The following PUM1 variants were observed in gnomAD, a reference collection of about 807,000 sequenced individuals.
The protein encoded by PUM1 is pumilio homolog 1.
Under a neutral mutation model 131.8 loss-of-function variants are expected in PUM1, and 13 were observed. That is an observed-to-expected ratio of 0.10 (90% CI 0.06 to 0.16). The LOEUF (loss-of-function observed/expected upper bound fraction) is 0.16, where lower values mean the gene tolerates loss of function less well. Ranked by LOEUF, PUM1 falls within the 10% of genes least tolerant of loss-of-function variation. The pLI, the probability that PUM1 is intolerant of heterozygous loss-of-function variation, is 1.00. For missense variants in PUM1, 961 were observed against 1,512.4 expected, an observed-to-expected ratio of 0.64 and a Z score of 6.05; for synonymous variants, 509 against 556.5, an observed-to-expected ratio of 0.91 and a Z score of 1.20.
At chr1:30,965,854 G>A (rs931899375) in intron 13 of PUM1, 128 bp downstream of exon 13, 12 of 951,484 alleles carry the variant, frequency 1.3e-5, no homozygotes, top group African/African-American at 6.6e-5. Flanking sequence ...CACAGATTAT[G>A]TGGGATGGCT....
In PUM1 at chr1:30,980,069, C is replaced by G; in HGVS notation, c.1347G>C (p.Ala449=). 1.2e-6 allele frequency: 2 copies of G among 1,601,026 alleles called. No homozygotes were observed. The highest frequency in any genetic ancestry group is 1.7e-6 in the Non-Finnish European group (2 of 1,172,762). Residue 449 remains alanine, a synonymous_variant, in exon 9 of 22, where the codon GCG becomes GCC. Coordinates refer to ENST00000426105, the MANE Select transcript of PUM1 (RefSeq NM_001020658.2). Reference sequence around the variant, plus strand: ...TGCAGCAGAATGTCTCACCTAGTGTCGCTGCTGCAGCCAATCCAGCTGTGT... The same window carrying G: ...TGCAGCAGAATGTCTCACCTAGTGTGGCTGCTGCAGCCAATCCAGCTGTGT... ...DPYTAGLAAA[A]TLGPAVVPHQ...
At chr1:30,992,722 C>G in intron 6 of PUM1, 62 bp from the exon 7 acceptor site, 1 of 1,450,800 alleles carries the variant, frequency 6.9e-7, no homozygotes, top group African/African-American at 1.4e-5. Flanking sequence ...TACAGCAACC[C>G]AAGTTTAAGG....
chr1:30,979,350 C>A (rs918318068), intron 9 of PUM1, among the ~76,000 whole-genome samples: 1 of 152,060 alleles, frequency 6.6e-6, no homozygotes, highest in African/African-American at 2.4e-5. Context: ...ATGGTGTTAG[C>A]CAATGGCAGT....
chr1:30,939,736 C>T (rs1639365366), intron 20 of PUM1, among the ~76,000 whole-genome samples: 1 of 152,146 alleles, frequency 6.6e-6, no homozygotes, highest in Non-Finnish European at 1.5e-5. Context: ...TGTGCACCTA[C>T]AGTCCCAGCT....
At chr1:31,028,006 T>G (rs1339505136) in intron 3 of PUM1, among the ~76,000 whole-genome samples, 3 of 152,180 alleles carry the variant, frequency 2.0e-5, no homozygotes, top group African/African-American at 7.2e-5. Flanking sequence ...ATGTCACTTG[T>G]GGGCCTGTGG....
intron 6 of PUM1, among the ~76,000 whole-genome samples, chr1:30,993,560 T>C (rs898272079): frequency 6.6e-6 from 1 of 152,072 alleles, no homozygotes; most frequent in African/African-American, 2.4e-5. Flanking sequence ...CAAAAAATCC[T>C]GTAGTCCAGT....
chr1:30,952,207 CA>C (rs780210282), intron 16 of PUM1, 26 bp downstream of exon 16: 1 of 1,608,660 alleles, frequency 6.2e-7, no homozygotes, highest in Admixed American at 1.7e-5. Flanking sequence ...TCTCTTAAGT[CA>C]AAGGATAGAA....
chr1:30,979,529 A>T (rs1405057307), intron 9 of PUM1, among the ~76,000 whole-genome samples: 1 of 151,654 alleles, frequency 6.6e-6, no homozygotes, highest in Non-Finnish European at 1.5e-5. Context: ...CCCCACCCCG[A>T]CTCCAAGTAA....
At chr1:31,002,299 C>A (rs1329524339) in intron 5 of PUM1, among the ~76,000 whole-genome samples, 3 of 152,158 alleles carry the variant, frequency 2.0e-5, no homozygotes, top group Non-Finnish European at 4.4e-5. Flanking sequence ...GTGTATACAT[C>A]CTCCAGATCA....
chr1:31,061,466 A>G (rs1328134545), intron 1 of PUM1, among the ~76,000 whole-genome samples: 1 of 151,954 alleles, frequency 6.6e-6, no homozygotes, highest in Non-Finnish European at 1.5e-5. Flanking sequence ...AAACACAGAA[A>G]TTAGCCAGGC....
At chr1:30,967,851 A>G (rs1640687044) in intron 11 of PUM1, among the ~76,000 whole-genome samples, 1 of 152,242 alleles carries the variant, frequency 6.6e-6, no homozygotes, top group Admixed American at 6.5e-5. Context: ...ACCAGCTGAC[A>G]GTGAACCAAA....
intron 1 of PUM1, among the ~76,000 whole-genome samples, chr1:31,060,612 C>G (rs943947647): frequency 3.9e-5 from 6 of 152,010 alleles, no homozygotes; most frequent in Admixed American, 3.3e-4. Flanking sequence ...ATTGGCCAGG[C>G]GAGGTGGCTC....
intron 2 of PUM1, among the ~76,000 whole-genome samples, chr1:31,044,848 C>T (rs954368668): frequency 3.3e-5 from 5 of 152,062 alleles, no homozygotes; most frequent in African/African-American, 1.2e-4. Flanking sequence ...ATAGCTGTGT[C>T]ACCCAGGCTG....
rs184825087 is a variant in PUM1, at chr1:31,046,124, C to T, written c.363+13080G>A. 5.3e-3 allele frequency among the ~76,000 whole-genome samples: 797 copies of T among 151,082 alleles called. 6 individuals are homozygous for T. Among genetic ancestry groups the T allele is most frequent in the African/African-American group, 0.018 (733 of 41,194 alleles). On this transcript the variant is annotated intron_variant, in intron 2 of 21. Transcript: ENST00000426105. The stretch of plus-strand genomic sequence containing the variant: ...AAAAAGGGCTGGGGGCGGTAGCTCA[C>T]GCCTGTAATCCCAGCACTTTGGGAG...
At chr1:30,973,415 A>G (rs1407568124) in intron 10 of PUM1, among the ~76,000 whole-genome samples, 1 of 152,166 alleles carries the variant, frequency 6.6e-6, no homozygotes, top group Non-Finnish European at 1.5e-5. Flanking sequence ...TGCTGATTTT[A>G]TTTGCTCCAG....
intron 3 of PUM1, among the ~76,000 whole-genome samples, chr1:31,013,776 T>C (rs190074109): frequency 2.6e-4 from 40 of 152,322 alleles, no homozygotes; most frequent in African/African-American, 9.4e-4. Context: ...TGTAAAAATT[T>C]TGTATTTTTC....
chr1:31,060,328 C>G (rs542744845), intron 1 of PUM1, among the ~76,000 whole-genome samples: 42 of 150,522 alleles, frequency 2.8e-4, no homozygotes, highest in Non-Finnish European at 5.5e-4. Flanking sequence ...AGGTATGGTG[C>G]TGGGCACCTG....
chr1:30,974,146 AT>A (rs1641043441), intron 10 of PUM1, among the ~76,000 whole-genome samples: 3 of 152,220 alleles, frequency 2.0e-5, no homozygotes, highest in Non-Finnish European at 4.4e-5. Context: ...GTTTAAAAAA[AT>A]AAAAGATGTA....
chr1:30,964,060 T>C (rs934365873), intron 14 of PUM1, among the ~76,000 whole-genome samples: 4 of 152,128 alleles, frequency 2.6e-5, no homozygotes, highest in Non-Finnish European at 5.9e-5. Context: ...ATCCTCTTTT[T>C]CTCTCCCTAT....
Sources: gnomAD v4.1 joint callset for allele counts (sites outside exome capture counted in the v4.1 genomes callset) on GRCh38, gnomAD v4.1.1 for gene constraint, MANE v1.5 for transcripts, NCBI Gene and HGNC (gene_info 2026-07-23, HGNC 2026-07-21) for gene names.